Variants in ANTKMT observed in about 807,000 individuals in gnomAD.
ANTKMT encodes the protein adenine nucleotide translocase lysine N-methyltransferase.
In ANTKMT, 24 loss-of-function variants were observed where a neutral mutation model predicts 20.7. That is an observed-to-expected ratio of 1.16 (90% CI 0.84 to 1.63). The LOEUF (loss-of-function observed/expected upper bound fraction) is 1.63, where lower values mean the gene tolerates loss of function less well. Ranked by LOEUF, ANTKMT falls within the 40% of genes most tolerant of loss-of-function variation. The probability of loss-of-function intolerance (pLI) is 0.00; values close to 1 mark genes in which losing one functional copy is unlikely to be tolerated. For missense variants in ANTKMT, 428 were observed against 334.8 expected (o/e 1.28, Z -2.17); for synonymous variants, 193 against 161.2 (o/e 1.20, Z -1.49).
At position 721,885 on chromosome 16, in the gene ANTKMT, G is replaced by A. The variant is rs774405758; in HGVS notation, c.352G>A (p.Ala118Thr). ...GCTGGTGGCGCTGGCGCGGCTGCAC[G>A]CCTGGAGGGCCGGCTGTGCCGGCAG... ...PWLVALARLH[A>T]WRAGCAGSVC... Residue 118 changes from alanine (A) to threonine (T), a missense_variant, in exon 3 of 5, where the codon GCC (alanine) becomes ACC (threonine). Coordinates refer to ENST00000569529, the MANE Select transcript of ANTKMT (RefSeq NM_023933.3). 6 of 1,570,100 alleles carry A rather than the reference G, an allele frequency of 3.8e-6. No individual in the cohort carries two copies. The South Asian group carries it at 6.9e-5, about 18-fold the overall frequency.
chr16:721,784 A>C lies in ANTKMT; in HGVS notation c.268-17A>C. Reference sequence around the variant, plus strand: ...CCCCTGCCCACATCCTGGTTCCCACACTCTCGGTGCCCACAGGTGCTGGCG... The same window carrying C: ...CCCCTGCCCACATCCTGGTTCCCACCCTCTCGGTGCCCACAGGTGCTGGCG... On this transcript the variant is annotated splice_polypyrimidine_tract_variant and intron_variant, in intron 2 of 4. Coordinates refer to ENST00000569529, the MANE Select transcript of ANTKMT (RefSeq NM_023933.3). The C allele has an allele frequency of 2.0e-6, 3 of 1,529,028 alleles. No individual in the cohort carries two copies. The highest frequency in any genetic ancestry group is 2.6e-6 in the Non-Finnish European group (3 of 1,139,414). 94.7% of individuals were successfully genotyped at this position (1,529,028 alleles called of 1,614,324 possible). A position where few individuals can be genotyped will look rare whatever the true frequency, so the allele number is the denominator to read the frequency against.
chr16:721,958 T>C lies in ANTKMT; in HGVS notation c.408+17T>C, dbSNP rs554932816. The stretch of plus-strand genomic sequence containing the variant: ...CTCTGGAAGGTAACCTGGGGATCCC[T>C]GGCCACCCGCTGACAGCCCAAGGTG... On this transcript the variant is annotated intron_variant, in intron 3 of 4. Coordinates refer to ENST00000569529, the MANE Select transcript of ANTKMT (RefSeq NM_023933.3). 2 of 1,563,646 alleles carry C rather than the reference T, an allele frequency of 1.3e-6. No homozygotes were observed. The highest frequency in any genetic ancestry group is 2.7e-5 in the African/African-American group (2 of 74,466).
intron 4 of ANTKMT, 30 bp from the exon 5 acceptor site, chr16:722,279 C>T (rs765682423): frequency 4.9e-5 from 79 of 1,598,978 alleles, no homozygotes; most frequent in Non-Finnish European, 6.6e-5. Flanking sequence ...CCCGCCCCCG[C>T]CCCCTCTACT....
rs375196066 is a variant in ANTKMT at position 721,715 on chromosome 16, G to A, written c.267+13G>A. The A allele has an allele frequency of 2.1e-5, 32 of 1,547,554 alleles. No individual in the cohort carries two copies. The African/African-American group carries it at 2.9e-4, about 14-fold the overall frequency. On this transcript the variant is annotated intron_variant, in intron 2 of 4. Coordinates refer to ENST00000569529, the MANE Select transcript of ANTKMT (RefSeq NM_023933.3). ...CGACGGCAGGATCGTAAGTGCCTGCGTCTGGGTCTTCGCCGCCCCACACCG... is the reference window on the plus strand; with the variant it reads ...CGACGGCAGGATCGTAAGTGCCTGCATCTGGGTCTTCGCCGCCCCACACCG...
rs1471063729 is a variant in ANTKMT, at chr16:721,354, C to G, written c.80C>G (p.Ala27Gly). 1 of 1,336,658 alleles carries G rather than the reference C, an allele frequency of 7.5e-7. No homozygotes were observed. Among genetic ancestry groups the G allele is most frequent in the Non-Finnish European group, 9.6e-7 (1 of 1,045,108 alleles). 82.8% of individuals were successfully genotyped at this position (1,336,658 alleles called of 1,614,324 possible). A position where few individuals can be genotyped will look rare whatever the true frequency, so the allele number is the denominator to read the frequency against. The change falls in exon 1 of 5, where the codon GCG becomes GGG. Residue 27 changes from alanine (A) to glycine (G), a missense_variant. Ala to Gly is a moderately conservative substitution (Grantham distance 60). Coordinates refer to ENST00000569529, the MANE Select transcript of ANTKMT (RefSeq NM_023933.3). ...GGCGCGCTGGAGCTGCTGCAGGCGG[C>G]GGCCGGCTCGGGCTTGGCAGCCTAC... ...RLGALELLQA[A>G]AGSGLAAYAV...
At chr16:722,061 C>T (rs55956436) in intron 3 of ANTKMT, 23 bp from the exon 4 acceptor site, 792,562 of 1,591,560 alleles carry the variant, frequency 0.5, 205,779 homozygotes, top group East Asian at 0.8. Context: ...TCTCCCCGGC[C>T]GGGGCGACTT....
chr16:722,568 C>A lies in ANTKMT; in HGVS notation c.*11C>A. On this transcript the variant is annotated 3_prime_UTR_variant, in exon 5 of 5. Transcript: ENST00000569529. ...TCTCAGGCCAGCTGAGTATTAGACA[C>A]GATAAAGACTCTGTGGGTTCTATCC... is the stretch of plus-strand genomic sequence containing the variant. The A allele has an allele frequency of 1.9e-6, 3 of 1,574,980 alleles. No individual in the cohort carries two copies. The highest frequency in any genetic ancestry group is 2.6e-6 in the Non-Finnish European group (3 of 1,161,442).
At position 722,534 on chromosome 16, in the gene ANTKMT, GGCCTTATT is replaced by G. The variant is rs1567309290; in HGVS notation, c.686_693del (p.Gly229ValfsTer?). The G allele has an allele frequency of 1.2e-6, 2 of 1,609,632 alleles. No individual in the cohort carries two copies. The highest frequency in any genetic ancestry group is 1.7e-6 in the Non-Finnish European group (2 of 1,178,652). On this transcript the variant is annotated frameshift_variant, in exon 5 of 5. Coordinates refer to ENST00000569529, the MANE Select transcript of ANTKMT (RefSeq NM_023933.3). LOFTEE classifies it high-confidence loss of function. The stretch of plus-strand genomic sequence containing the variant: ...ACCTAGTTCTGCCCCCATCCCGGGG[GGCCTTATT>G]TCTCAGGCCAGCTGAGTATTAGACA...
chr16:722,405 G>T lies in ANTKMT; in HGVS notation c.556G>T (p.Ala186Ser). The T allele has an allele frequency of 1.2e-6, 2 of 1,603,410 alleles. No homozygotes were observed. The highest frequency in any genetic ancestry group is 2.2e-5 in the South Asian group (2 of 89,822). Residue 186 changes from alanine to serine, a missense_variant, in exon 5 of 5, where the codon GCG becomes TCG. Physicochemically the swap from Ala to Ser is moderately conservative, Grantham distance 99 (BLOSUM62 1). Coordinates refer to ENST00000569529, the MANE Select transcript of ANTKMT (RefSeq NM_023933.3). ...ACTCCCCACCTGGCAGCCTGTGACC[G>T]CGGTTGGCGAGGGCCTGGACCGAGT... ...FPLPTWQPVT[A>S]VGEGLDRVWA...
At position 721,891 on chromosome 16, in the gene ANTKMT, A is replaced by G; in HGVS notation, c.358A>G (p.Arg120Gly). The G allele has an allele frequency of 6.4e-7, 1 of 1,571,250 alleles. No homozygotes were observed. Reference sequence around the variant, plus strand: ...GGCGCTGGCGCGGCTGCACGCCTGGAGGGCCGGCTGTGCCGGCAGCGTCTG... The same window carrying G: ...GGCGCTGGCGCGGCTGCACGCCTGGGGGGCCGGCTGTGCCGGCAGCGTCTG... ...LVALARLHAW[R>G]AGCAGSVCYR... The change falls in exon 3 of 5, where the codon AGG becomes GGG. Residue 120 changes from arginine (R) to glycine (G), a missense_variant. Arg to Gly is a moderately radical substitution (Grantham distance 125, BLOSUM62 -2). Coordinates refer to ENST00000569529, the MANE Select transcript of ANTKMT (RefSeq NM_023933.3).
In ANTKMT at chr16:721,203, A is replaced by T; in HGVS notation, c.-72A>T. On this transcript the variant is annotated 5_prime_UTR_variant, in exon 1 of 5. Coordinates refer to ENST00000569529, the MANE Select transcript of ANTKMT (RefSeq NM_023933.3). ...AGGCAGAGGGCACACCGCCAGCCCC[A>T]GGCCAGGCTGCGAGGGCCGCGGACC... 1 of 1,202,744 alleles carries T rather than the reference A, an allele frequency of 8.3e-7. No individual in the cohort carries two copies. The highest frequency in any genetic ancestry group is 1.0e-6 in the Non-Finnish European group (1 of 967,302). 74.5% of individuals were successfully genotyped at this position (1,202,744 alleles called of 1,614,324 possible).
Position 722,401 on chromosome 16 carries a change from G to A in ANTKMT, c.552G>A (p.Val184=). The A allele has an allele frequency of 1.2e-6, 2 of 1,602,520 alleles. No individual in the cohort carries two copies. The highest frequency in any genetic ancestry group is 2.7e-5 in the African/African-American group (2 of 74,836). ...TCCCACTCCCCACCTGGCAGCCTGT[G>A]ACCGCGGTTGGCGAGGGCCTGGACC... ...GRFPLPTWQP[V]TAVGEGLDRV... The change falls in exon 5 of 5, where the codon GTG becomes GTA. Residue 184 remains valine, a synonymous_variant. Transcript: ENST00000569529.
In ANTKMT at chr16:721,231, A is replaced by C. The variant is rs1443576268; in HGVS notation, c.-44A>C. On this transcript the variant is annotated 5_prime_UTR_variant, in exon 1 of 5. Coordinates refer to ENST00000569529, the MANE Select transcript of ANTKMT (RefSeq NM_023933.3). The stretch of plus-strand genomic sequence containing the variant: ...CCAGGCTGCGAGGGCCGCGGACCCG[A>C]GCCGGGAAGGACCTTGGGCGGACGA... 8.2e-7 allele frequency: 1 copy of C among 1,226,866 alleles called. No individual in the cohort carries two copies. The allele number at this position is 1,226,866 out of a possible 1,614,324, so 76.0% of individuals were successfully genotyped here.
In ANTKMT at chr16:722,428, AG is replaced by A; in HGVS notation, c.580del (p.Val194TyrfsTer45). The A allele has an allele frequency of 1.2e-6, 2 of 1,609,028 alleles. No homozygotes were observed. Among genetic ancestry groups the A allele is most frequent in the South Asian group, 2.2e-5 (2 of 90,406 alleles). ...VTAVGEGLDR[V>X]WAYDVPEGGQ... is the part of the protein sequence containing the mutation. The stretch of plus-strand genomic sequence containing the variant: ...CCGCGGTTGGCGAGGGCCTGGACCG[AG>A]TATGGGCTTATGATGTTCCTGAGGG... On this transcript the variant is annotated frameshift_variant, in exon 5 of 5. Coordinates refer to ENST00000569529, the MANE Select transcript of ANTKMT (RefSeq NM_023933.3). LOFTEE classifies it low-confidence loss of function (END_TRUNC).
rs2040228074 is a variant in ANTKMT, at chr16:721,532, G to C, written c.163-66G>C. On this transcript the variant is annotated intron_variant, in intron 1 of 4. Coordinates refer to ENST00000569529, the MANE Select transcript of ANTKMT (RefSeq NM_023933.3). ...GGGGTGAGCTCCGCCCCGCCGTGTG[G>C]TAGTTCGGGCCGGGCTGCGGGCGGG... 3 of 1,472,948 alleles carry C rather than the reference G, an allele frequency of 2.0e-6. No homozygotes were observed. In the South Asian group the frequency reaches 4.1e-5, roughly 20 times the overall value. The allele number at this position is 1,472,948 out of a possible 1,614,324, so 91.2% of individuals were successfully genotyped here. A position where few individuals can be genotyped will look rare whatever the true frequency, so the allele number is the denominator to read the frequency against.
intron 4 of ANTKMT, 29 bp from the exon 5 acceptor site, chr16:722,280 C>A (rs752459406): frequency 6.2e-7 from 1 of 1,600,068 alleles, no homozygotes; most frequent in Non-Finnish European, 8.5e-7. Context: ...CCGCCCCCGC[C>A]CCCTCTACTC....
At position 722,152 on chromosome 16, in the gene ANTKMT, A is replaced by G; in HGVS notation, c.459+18A>G. ...CTAGCGTGGTAGGTGCGGGGTTGCCAGCCCCGCTGGGAAGCCCCAGCCACA... is the reference window on the plus strand; with the variant it reads ...CTAGCGTGGTAGGTGCGGGGTTGCCGGCCCCGCTGGGAAGCCCCAGCCACA... On this transcript the variant is annotated intron_variant, in intron 4 of 4. Coordinates refer to ENST00000569529, the MANE Select transcript of ANTKMT (RefSeq NM_023933.3). The G allele has an allele frequency of 6.2e-7, 1 of 1,601,608 alleles. No homozygotes were observed. The highest frequency in any genetic ancestry group is 8.5e-7 in the Non-Finnish European group (1 of 1,176,752).
At chr16:721,742 C>G (rs2040236132) in intron 2 of ANTKMT, 40 bp downstream of exon 2, 1 of 1,541,132 alleles carries the variant, frequency 6.5e-7, no homozygotes, top group Non-Finnish European at 8.7e-7. Flanking sequence ...CCCACACCGC[C>G]CACCTGCTGG....
Position 721,961 on chromosome 16 carries a change from C to A in ANTKMT, c.408+20C>A, listed in dbSNP as rs1249527086. On this transcript the variant is annotated intron_variant, in intron 3 of 4. Coordinates refer to ENST00000569529, the MANE Select transcript of ANTKMT (RefSeq NM_023933.3). The stretch of plus-strand genomic sequence containing the variant: ...TGGAAGGTAACCTGGGGATCCCTGG[C>A]CACCCGCTGACAGCCCAAGGTGCGG... The A allele has an allele frequency of 6.4e-7, 1 of 1,562,172 alleles. No individual in the cohort carries two copies. Among genetic ancestry groups the A allele is most frequent in the South Asian group, 1.2e-5 (1 of 86,262 alleles).
Sources: gnomAD v4.1 joint callset for allele counts on GRCh38, gnomAD v4.1.1 for gene constraint, MANE v1.5 for transcripts, NCBI Gene and HGNC (gene_info 2026-07-23, HGNC 2026-07-21) for gene names.